TNRC6C: variants seen among roughly 807,000 people sequenced by gnomAD.
TNRC6C encodes the protein trinucleotide repeat-containing gene 6C protein.
A neutral mutation model predicts 153.7 loss-of-function variants in TNRC6C; 20 were observed. The observed-to-expected ratio is 0.13, with a 90% CI of 0.09 to 0.19. The LOEUF (loss-of-function observed/expected upper bound fraction) is 0.19, where lower values mean the gene tolerates loss of function less well. Ranked by LOEUF, TNRC6C falls within the 10% of genes least tolerant of loss-of-function variation. The pLI is 1.00. For missense variants in TNRC6C, 1,987 were observed against 2,172.0 expected (o/e 0.91, Z 1.69); for synonymous variants, 811 against 841.4 (o/e 0.96, Z 0.63).
chr17:77,992,866 A>T (rs1371981486), intron 1 of TNRC6C, among the ~76,000 whole-genome samples: 1 of 152,204 alleles, frequency 6.6e-6, no homozygotes, highest in Non-Finnish European at 1.5e-5. Flanking sequence ...CAAATAGTAA[A>T]ATAACGTGGC....
At chr17:78,078,908 T>A (rs939747761) in intron 9 of TNRC6C, among the ~76,000 whole-genome samples, 20 of 152,170 alleles carry the variant, frequency 1.3e-4, no homozygotes, top group African/African-American at 4.3e-4. Context: ...TTGGCCAACA[T>A]GGTGAAACCC....
At chr17:78,086,531 A>G (rs1328097527) in exon 12 of TNRC6C, 2 of 1,613,856 alleles carry the variant, frequency 1.2e-6, no homozygotes, top group Non-Finnish European at 1.7e-6. Flanking sequence ...ATCCAGCAGC[A>G]GATGTTACAG....
intron 1 of TNRC6C, among the ~76,000 whole-genome samples, chr17:78,006,813 T>G (rs963648119): frequency 3.4e-5 from 5 of 148,210 alleles, no homozygotes; most frequent in African/African-American, 1.3e-4. Context: ...TTTTCTTTTA[T>G]TTATTTATTT....
rs952046981 is a variant in TNRC6C at position 77,968,982 on chromosome 17, A to G, written c.-38+9714A>G. Among the ~76,000 whole-genome samples, 6 of 152,266 alleles carry G rather than the reference A, an allele frequency of 3.9e-5. No homozygotes were observed. In the East Asian group the frequency reaches 1.2e-3, roughly 29 times the overall value. ...AACACAGCGTTCTTTCATTCTGTGTACTGTTGTGACGCTAAGCCTGTTAGC... is the reference window on the plus strand; with the variant it reads ...AACACAGCGTTCTTTCATTCTGTGTGCTGTTGTGACGCTAAGCCTGTTAGC... On this transcript the variant is annotated intron_variant, in intron 1 of 22. Transcript: ENST00000636222.
chr17:78,016,689 C>A (rs1176411467), intron 1 of TNRC6C, among the ~76,000 whole-genome samples: 1 of 152,146 alleles, frequency 6.6e-6, no homozygotes, highest in African/African-American at 2.4e-5. Context: ...TTAGGTCATT[C>A]TCTGTGGTTC....
In TNRC6C at chr17:78,061,142, G is replaced by C. The variant is rs143706158; in HGVS notation, c.2396-3580G>C. ...AATTGAAGGGAGGTAACGATTCTAA[G>C]ACCCCATAGTACGGAAATATTCTGC... On this transcript the variant is annotated intron_variant, in intron 3 of 19. Coordinates refer to ENST00000301624, the Ensembl canonical transcript of TNRC6C. 1.7e-3 allele frequency among the ~76,000 whole-genome samples: 265 copies of C among 152,276 alleles called. 1 individual carries two copies. The highest frequency in any genetic ancestry group is 5.8e-3 in the African/African-American group (243 of 41,562).
chr17:78,088,632 CTT>C (rs572549529), intron 13 of TNRC6C, among the ~76,000 whole-genome samples: 3 of 142,806 alleles, frequency 2.1e-5, no homozygotes, highest in Non-Finnish European at 3.1e-5. Flanking sequence ...TTTTCTCTCT[CTT>C]TTTTTTTTTG....
At chr17:77,970,743 C>T (rs56352008) in intron 1 of TNRC6C, among the ~76,000 whole-genome samples, 1 of 152,114 alleles carries the variant, frequency 6.6e-6, no homozygotes, top group African/African-American at 2.4e-5. Context: ...AATTCTTCTT[C>T]TTCCAAGGTG....
intron 1 of TNRC6C, among the ~76,000 whole-genome samples, chr17:78,026,929 G>A (rs534828988): frequency 1.6e-4 from 24 of 152,292 alleles, no homozygotes; most frequent in Admixed American, 4.6e-4. Context: ...ACAAGGTTTG[G>A]TGATTGATTA....
chr17:78,024,587 A>G (rs2071899270), intron 1 of TNRC6C, among the ~76,000 whole-genome samples: 2 of 151,782 alleles, frequency 1.3e-5, no homozygotes, highest in Admixed American at 6.6e-5. Context: ...GGATGGTCTC[A>G]ATCTCCTGAC....
chr17:78,037,650 T>C (rs904262914), intron 2 of TNRC6C, among the ~76,000 whole-genome samples: 5 of 152,122 alleles, frequency 3.3e-5, no homozygotes, highest in East Asian at 1.9e-4. Flanking sequence ...TGCAGGCTCA[T>C]TGTGGCGGGG....
intron 16 of TNRC6C, among the ~76,000 whole-genome samples, 161 bp from the exon 19 acceptor site, chr17:78,097,583 GC>G (rs1432442356): frequency 6.6e-6 from 1 of 152,162 alleles, no homozygotes; most frequent in Non-Finnish European, 1.5e-5. Context: ...TAGGAGGCAT[GC>G]CCCGTTTCTT....
Position 78,098,608 on chromosome 17 carries a change from G to A in TNRC6C, c.4501+71G>A, listed in dbSNP as rs1186135631. The A allele has an allele frequency of 2.7e-6, 4 of 1,499,386 alleles. No homozygotes were observed. The African/African-American group carries it at 4.2e-5, about 16-fold the overall frequency. The allele number at this position is 1,499,386 out of a possible 1,614,324, so 92.9% of individuals were successfully genotyped here. ...GGGGATGTGCTTATCACTTTGTCCTGTACCTCCTTTGTAAGGACCCCTGCC... is the reference window on the plus strand; with the variant it reads ...GGGGATGTGCTTATCACTTTGTCCTATACCTCCTTTGTAAGGACCCCTGCC... On this transcript the variant is annotated intron_variant, in intron 17 of 19. Coordinates refer to ENST00000301624, the Ensembl canonical transcript of TNRC6C.
chr17:78,095,099 A>C (rs16970811), intron 16 of TNRC6C, among the ~76,000 whole-genome samples: 16,089 of 152,292 alleles, frequency 0.11, 1,049 homozygotes, highest in East Asian at 0.18. Context: ...CAGGTTGTAC[A>C]GATCCAAGTC....
rs954528639 is a variant in TNRC6C at position 78,005,145 on chromosome 17, C to CT, written c.-546+76dup. ...ACCAAAATTTTTATGACCAGGATGA[C>CT]TTTTTTTTTTAAATTGATGGTTAAA... is the stretch of plus-strand genomic sequence containing the variant. On this transcript the variant is annotated intron_variant, in intron 1 of 19. Coordinates refer to ENST00000301624, the Ensembl canonical transcript of TNRC6C. 2.0e-3 allele frequency: 1,980 copies of CT among 991,756 alleles called. 1 individual carries two copies. Among genetic ancestry groups the CT allele is most frequent in the African/African-American group, 5.8e-3 (333 of 57,618 alleles). The allele number at this position is 991,756 out of a possible 1,614,324, so 61.4% of individuals were successfully genotyped here. A position where few individuals can be genotyped will look rare whatever the true frequency, so the allele number is the denominator to read the frequency against.
chr17:78,046,142 T>A (rs7213081), intron 2 of TNRC6C, among the ~76,000 whole-genome samples: 2,466 of 152,220 alleles, frequency 0.016, 72 homozygotes, highest in African/African-American at 0.057. Context: ...TTTTCCCATT[T>A]CTGGTTGGGT....
At chr17:77,994,469 C>T (rs1175337056) in intron 1 of TNRC6C, among the ~76,000 whole-genome samples, 1 of 152,146 alleles carries the variant, frequency 6.6e-6, no homozygotes, top group African/African-American at 2.4e-5. Flanking sequence ...TTAATGGCTC[C>T]TGAAACTGAA....
chr17:77,985,603 A>AAAAAAAAAAAAAAAAC (rs1321535708), intron 1 of TNRC6C, among the ~76,000 whole-genome samples: 4 of 147,680 alleles, frequency 2.7e-5, no homozygotes, highest in African/African-American at 1.0e-4. Flanking sequence ...CTCCGTCTCA[A>AAAAAAAAAAAAAAAAC]AAAAAAAAAA....
chr17:78,061,966 G>A (rs775621521), intron 3 of TNRC6C, among the ~76,000 whole-genome samples: 1 of 152,186 alleles, frequency 6.6e-6, no homozygotes, highest in Non-Finnish European at 1.5e-5. Flanking sequence ...GAGGTCTAGA[G>A]ATGATAAACA....
Sources: allele counts gnomAD v4.1 joint callset (sites outside exome capture counted in the v4.1 genomes callset), GRCh38; gene constraint gnomAD v4.1.1; transcripts MANE v1.5; gene names NCBI Gene and HGNC (gene_info 2026-07-23, HGNC 2026-07-21).